The following NDUFA9 variants were observed in gnomAD, a reference collection of about 807,000 sequenced individuals.
NDUFA9 encodes NADH dehydrogenase [ubiquinone] 1 alpha subcomplex subunit 9, mitochondrial.
Under a neutral mutation model 45.9 loss-of-function variants are expected in NDUFA9, and 23 were observed. That is an observed-to-expected ratio of 0.50 (90% confidence interval 0.36 to 0.71). The LOEUF is 0.71. Ranked by LOEUF, NDUFA9 falls within the 30% of genes least tolerant of loss-of-function variation. The pLI is 0.00. For missense variants in NDUFA9, 466 were observed against 488.2 expected (o/e 0.95, Z 0.43); for synonymous variants, 176 against 170.5 (o/e 1.03, Z -0.25).
chr12:4,657,793 C>T lies in NDUFA9; in HGVS notation c.364C>T (p.His122Tyr), dbSNP rs1194783873. The T allele has an allele frequency of 2.5e-6, 4 of 1,613,658 alleles. No homozygotes were observed. The highest frequency in any genetic ancestry group is 3.4e-6 in the Non-Finnish European group (4 of 1,179,734). Residue 122 changes from histidine to tyrosine, a missense_variant, in exon 4 of 11, where the codon CAC becomes TAC. By Grantham distance (83) the His-to-Tyr change is moderately conservative. Coordinates refer to ENST00000266544, the MANE Select transcript of NDUFA9 (RefSeq NM_005002.5). The stretch of plus-strand genomic sequence containing the variant: ...AGATTCTATCCGACGAGTAGTACAA[C>T]ACAGCAATGTGGTCATCAATCTTAT... Reference protein sequence around the residue: ...DKDSIRRVVQHSNVVINLIGR... With the variant: ...DKDSIRRVVQYSNVVINLIGR...
At position 4,659,032 on chromosome 12, in the gene NDUFA9, C is replaced by T. The variant is rs779406616; in HGVS notation, c.411-4C>T. On this transcript the variant is annotated splice_polypyrimidine_tract_variant and splice_region_variant and intron_variant, in intron 4 of 10. Transcript: ENST00000266544. ...AACCAATCCTTTTATTTTTTATCTTCCAGAAACTTTGATTTTGAGGATGTT... is the reference window on the plus strand; with the variant it reads ...AACCAATCCTTTTATTTTTTATCTTTCAGAAACTTTGATTTTGAGGATGTT... 1.4e-5 allele frequency: 22 copies of T among 1,610,404 alleles called. No homozygotes were observed. In the African/African-American group the frequency reaches 2.0e-4, roughly 15 times the overall value.
rs1227948776 is a variant in NDUFA9 at position 4,649,155 on chromosome 12, T to C, written c.29T>C (p.Val10Ala). 8 of 1,605,498 alleles carry C rather than the reference T, an allele frequency of 5.0e-6. No homozygotes were observed. The South Asian group carries it at 6.7e-5, about 14-fold the overall frequency. MAAAAQSRV[V>A]RVLSMSRSAI... is the part of the protein sequence containing the mutation. Reference sequence around the variant, plus strand: ...GCGGCTGCCGCACAATCCCGGGTTGTCCGGGTCCTGTCAATGTCACGTAAG... The same window carrying C: ...GCGGCTGCCGCACAATCCCGGGTTGCCCGGGTCCTGTCAATGTCACGTAAG... Residue 10 changes from valine to alanine, a missense_variant, in exon 1 of 11, where the codon GTC becomes GCC. Transcript: ENST00000266544.
intron 8 of NDUFA9, among the ~76,000 whole-genome samples, chr12:4,672,918 C>T (rs1379382172): frequency 6.6e-6 from 1 of 152,202 alleles, no homozygotes; most frequent in Non-Finnish European, 1.5e-5. Flanking sequence ...GATCCCTGCC[C>T]CCGTGTATCC....
chr12:4,678,773 C>A (rs1945935742), intron 8 of NDUFA9, among the ~76,000 whole-genome samples: 1 of 152,076 alleles, frequency 6.6e-6, no homozygotes, highest in Non-Finnish European at 1.5e-5. Flanking sequence ...GAGAAAATAA[C>A]AAATGTTGAG....
intron 9 of NDUFA9, 76 bp from the exon 10 acceptor site, chr12:4,685,183 G>T (rs762929239): frequency 3.1e-6 from 4 of 1,292,552 alleles, no homozygotes; most frequent in East Asian, 2.3e-5. Flanking sequence ...CTGTCTTCCT[G>T]CAGTTCTCAT....
chr12:4,666,437 A>G (rs934967714), intron 6 of NDUFA9, among the ~76,000 whole-genome samples: 3 of 152,062 alleles, frequency 2.0e-5, no homozygotes, highest in African/African-American at 4.8e-5. Flanking sequence ...TGCTTTTAGT[A>G]TTGTATCTAA....
rs563152236 is a variant in NDUFA9 at position 4,691,169 on chromosome 12, A to G, written c.*4061A>G. The stretch of plus-strand genomic sequence containing the variant: ...TTTTCTTGTTTATAAAATGGGGGTG[A>G]TAGTAATAACTACATGATGGGATAG... On this transcript the variant is annotated 3_prime_UTR_variant, in exon 11 of 11. Transcript: ENST00000266544. The G allele has an allele frequency of 2.0e-5, 3 of 152,336 alleles. No homozygotes were observed. In the South Asian group the frequency reaches 6.2e-4, roughly 32 times the overall value. 9.4% of individuals were successfully genotyped at this position (152,336 alleles called of 1,614,324 possible).
At chr12:4,677,460 A>G (rs536504103) in intron 8 of NDUFA9, among the ~76,000 whole-genome samples, 18 of 152,122 alleles carry the variant, frequency 1.2e-4, no homozygotes, top group African/African-American at 4.1e-4. Context: ...TACAAGAAAA[A>G]AACTTCATCA....
rs1016537683 is a variant in NDUFA9, at chr12:4,693,220, A to G, written c.*6112A>G. On this transcript the variant is annotated 3_prime_UTR_variant, in exon 11 of 11. Transcript: ENST00000266544. ...TCCCAGACATCTGTTGAATAAATGA[A>G]TGAATGAGGTGGGAAGTCTTTCTTT... 3 of 152,218 alleles carry G rather than the reference A, an allele frequency of 2.0e-5. No individual in the cohort carries two copies. The highest frequency in any genetic ancestry group is 4.8e-5 in the African/African-American group (2 of 41,456). The allele number at this position is 152,218 out of a possible 1,614,324, so 9.4% of individuals were successfully genotyped here.
rs1382157669 is a variant in NDUFA9, at chr12:4,689,743, C to G, written c.*2635C>G. On this transcript the variant is annotated 3_prime_UTR_variant, in exon 11 of 11. Coordinates refer to ENST00000266544, the MANE Select transcript of NDUFA9 (RefSeq NM_005002.5). ...ACAATGTGATTTCTCTATCTTTTCC[C>G]CACATTTCCCCCTTTTCTATTCCGC... is the stretch of plus-strand genomic sequence containing the variant. The G allele has an allele frequency of 5.6e-6, 1 of 178,556 alleles. No homozygotes were observed. The highest frequency in any genetic ancestry group is 1.1e-5 in the Non-Finnish European group (1 of 88,148). The allele number at this position is 178,556 out of a possible 1,614,324, so 11.1% of individuals were successfully genotyped here.
chr12:4,682,646 C>T (rs916781067), intron 9 of NDUFA9, among the ~76,000 whole-genome samples: 6 of 152,182 alleles, frequency 3.9e-5, no homozygotes, highest in African/African-American at 9.7e-5. Context: ...TGTTTCATGT[C>T]GCTCATTATT....
intron 6 of NDUFA9, 35 bp from the exon 7 acceptor site, chr12:4,668,422 C>T (rs1258791825): frequency 6.5e-7 from 1 of 1,544,418 alleles, no homozygotes; most frequent in Non-Finnish European, 8.9e-7. Flanking sequence ...CAATTTAAGC[C>T]TTCTCAGTAT....
chr12:4,694,224 A>G lies in NDUFA9; in HGVS notation c.*7116A>G, dbSNP rs1410741778. On this transcript the variant is annotated 3_prime_UTR_variant, in exon 11 of 11. Coordinates refer to ENST00000266544, the MANE Select transcript of NDUFA9 (RefSeq NM_005002.5). ...CTTCCCCAGTTTTGCTTCTATTAGCACATTTATTTCAGTAATTTTGATCTT... is the reference window on the plus strand; with the variant it reads ...CTTCCCCAGTTTTGCTTCTATTAGCGCATTTATTTCAGTAATTTTGATCTT... The G allele has an allele frequency of 6.6e-6, 1 of 152,218 alleles. No homozygotes were observed. The highest frequency in any genetic ancestry group is 1.5e-5 in the Non-Finnish European group (1 of 68,042). 9.4% of individuals were successfully genotyped at this position (152,218 alleles called of 1,614,324 possible). A position where few individuals can be genotyped will look rare whatever the true frequency, so the allele number is the denominator to read the frequency against.
chr12:4,655,004 G>A (rs1226995907), intron 3 of NDUFA9, 82 bp downstream of exon 3: 4 of 1,170,682 alleles, frequency 3.4e-6, no homozygotes, highest in Non-Finnish European at 4.9e-6. Context: ...GTATAATAAA[G>A]CAGTAATTTC....
At chr12:4,670,226 A>G (rs967074918) in intron 8 of NDUFA9, among the ~76,000 whole-genome samples, 11 of 152,232 alleles carry the variant, frequency 7.2e-5, no homozygotes, top group African/African-American at 2.4e-4. Flanking sequence ...GGTTTATAGC[A>G]CAATTACTAG....
At chr12:4,649,232 G>A (rs957450488) in intron 1 of NDUFA9, 57 bp downstream of exon 1, 55 of 1,558,896 alleles carry the variant, frequency 3.5e-5, no homozygotes, top group Non-Finnish European at 4.4e-5. Flanking sequence ...GGGATTTAAG[G>A]TTTTGGAAGT....
chr12:4,650,224 G>C (rs1945749307), intron 1 of NDUFA9, among the ~76,000 whole-genome samples: 1 of 152,118 alleles, frequency 6.6e-6, no homozygotes, highest in Non-Finnish European at 1.5e-5. Flanking sequence ...GCAAGAATTA[G>C]GAGTGTTTAG....
chr12:4,658,061 C>T (rs1050169672), intron 4 of NDUFA9, among the ~76,000 whole-genome samples: 7 of 152,258 alleles, frequency 4.6e-5, no homozygotes, highest in African/African-American at 1.7e-4. Context: ...CCATAAAAAG[C>T]CAGTAGGTGG....
At chr12:4,666,696 T>A (rs1945855205) in intron 6 of NDUFA9, among the ~76,000 whole-genome samples, 1 of 152,236 alleles carries the variant, frequency 6.6e-6, no homozygotes, top group African/African-American at 2.4e-5. Context: ...CAAGAGTTAT[T>A]TTTCTCTATT....
Sources: allele counts gnomAD v4.1 joint callset (sites outside exome capture counted in the v4.1 genomes callset), GRCh38; gene constraint gnomAD v4.1.1; transcripts MANE v1.5; gene names NCBI Gene and HGNC (gene_info 2026-07-23, HGNC 2026-07-21).